The following CACNA1C variants were observed in gnomAD, a reference collection of about 807,000 sequenced individuals.
The protein encoded by CACNA1C is voltage-dependent L-type calcium channel subunit alpha-1C.
Under a neutral mutation model 229.0 loss-of-function variants are expected in CACNA1C, and 30 were observed. The ratio of observed to expected loss-of-function variants is 0.13; its 90% CI spans 0.10 to 0.18. The LOEUF is 0.18. Ranked by LOEUF, CACNA1C falls within the 10% of genes least tolerant of loss-of-function variation. The pLI, the probability that CACNA1C is intolerant of heterozygous loss-of-function variation, is 1.00. For synonymous variants in CACNA1C, 1,114 were observed against 1,132.5 expected (o/e 0.98, Z 0.33); for missense variants, 1,658 against 2,845.0 (o/e 0.58, Z 9.49).
intron 45 of CACNA1C, among the ~76,000 whole-genome samples, chr12:2,686,593 C>T (rs1861829521): frequency 1.3e-5 from 2 of 152,242 alleles, no homozygotes; most frequent in Admixed American, 6.5e-5. Flanking sequence ...GCCTCTGACA[C>T]TGGCCTATGC....
At chr12:2,198,238 G>C (rs1419912841) in intron 3 of CACNA1C, among the ~76,000 whole-genome samples, 2 of 152,148 alleles carry the variant, frequency 1.3e-5, no homozygotes. Context: ...ACCCAGATCT[G>C]GCAGCATCTT....
At chr12:2,401,062 T>A (rs989310396) in intron 3 of CACNA1C, among the ~76,000 whole-genome samples, 7 of 152,154 alleles carry the variant, frequency 4.6e-5, no homozygotes, top group Admixed American at 3.3e-4. Flanking sequence ...TGGTCCTCCC[T>A]TCAGTCTCTC....
At chr12:2,459,521 C>T (rs1342072653) in intron 5 of CACNA1C, among the ~76,000 whole-genome samples, 3 of 152,148 alleles carry the variant, frequency 2.0e-5, no homozygotes, top group Non-Finnish European at 2.9e-5. Flanking sequence ...TCAAAAGGCA[C>T]GCAGAGCTGA....
At chr12:2,263,468 T>C (rs928622278) in intron 3 of CACNA1C, among the ~76,000 whole-genome samples, 2 of 151,668 alleles carry the variant, frequency 1.3e-5, no homozygotes, top group Admixed American at 6.6e-5. Flanking sequence ...GTGAAGCTAG[T>C]GGAGGCTTTT....
intron 3 of CACNA1C, among the ~76,000 whole-genome samples, chr12:2,303,067 C>T (rs1483958864): frequency 3.3e-5 from 5 of 152,208 alleles, no homozygotes; most frequent in African/African-American, 7.2e-5. Flanking sequence ...GGAAACCGGC[C>T]GTGGGAGCTT....
intron 4 of CACNA1C, among the ~76,000 whole-genome samples, chr12:2,454,887 C>T (rs1320655565): frequency 6.6e-6 from 1 of 152,202 alleles, no homozygotes; most frequent in African/African-American, 2.4e-5. Flanking sequence ...TTCATGTATT[C>T]CCACAACCAC....
intron 3 of CACNA1C, among the ~76,000 whole-genome samples, chr12:2,202,300 C>G (rs11062153): frequency 6.6e-6 from 1 of 152,112 alleles, no homozygotes; most frequent in Non-Finnish European, 1.5e-5. Flanking sequence ...GAGGCCCGCA[C>G]GCTTTGGGTG....
intron 1 of CACNA1C, among the ~76,000 whole-genome samples, chr12:1,980,064 T>C (rs11062038): frequency 0.3 from 46,363 of 152,046 alleles, 7,315 homozygotes; most frequent in East Asian, 0.51. Context: ...GCAGTATCTC[T>C]AAAGCTAAAC....
chr12:2,674,115 G>A (rs1460254769), intron 38 of CACNA1C, among the ~76,000 whole-genome samples: 1 of 152,260 alleles, frequency 6.6e-6, no homozygotes, highest in African/African-American at 2.4e-5. Context: ...GGAGGTCCAT[G>A]AGAAATGCCA....
chr12:2,551,647 G>A (rs1012166776), intron 10 of CACNA1C, among the ~76,000 whole-genome samples: 16 of 152,154 alleles, frequency 1.1e-4, no homozygotes, highest in African/African-American at 3.4e-4. Context: ...GTGAGTGACC[G>A]GGATCTTTAA....
At position 2,215,134 on chromosome 12, in the gene CACNA1C, C is replaced by T. The variant is rs887381380; in HGVS notation, c.477+94704C>T. 1.3e-5 allele frequency among the ~76,000 whole-genome samples: 2 copies of T among 152,110 alleles called. No homozygotes were observed. Among genetic ancestry groups the T allele is most frequent in the Non-Finnish European group, 2.9e-5 (2 of 68,030 alleles). ...GATGGGGAAACGAAGCCATGTTTGC[C>T]GGCATATCTGGGGTTCCCTGGTCAC... On this transcript the variant is annotated intron_variant, in intron 3 of 46. Transcript: ENST00000399655. The surrounding 1 kb of genome is among the most constrained non-coding windows in gnomAD (Gnocchi z 5.0).
At chr12:2,382,586 G>C (rs554984127) in intron 3 of CACNA1C, among the ~76,000 whole-genome samples, 7 of 152,240 alleles carry the variant, frequency 4.6e-5, no homozygotes, top group Admixed American at 2.0e-4. Context: ...CATATCATAG[G>C]GGGAGCTCTG....
chr12:2,545,212 ATTT>A (rs56971243), intron 9 of CACNA1C, among the ~76,000 whole-genome samples: 8 of 131,634 alleles, frequency 6.1e-5, no homozygotes, highest in African/African-American at 1.7e-4. Flanking sequence ...CAAAACAATG[ATTT>A]TTTTTTTTTT....
Position 2,089,793 on chromosome 12 carries a change from G to A in CACNA1C, c.50-25431G>A, listed in dbSNP as rs182670252. 4.5e-4 allele frequency among the ~76,000 whole-genome samples: 69 copies of A among 152,176 alleles called. 1 individual carries two copies. The East Asian group carries it at 0.012, about 27-fold the overall frequency. On this transcript the variant is annotated intron_variant, in intron 1 of 46. Transcript: ENST00000399655. ...CTGACACCTGTAATCCCAGCACTTG[G>A]GGAGGCTGAGGTGGGCGGATCACAA...
chr12:2,396,167 G>C (rs2098567885), intron 3 of CACNA1C, among the ~76,000 whole-genome samples: 1 of 152,012 alleles, frequency 6.6e-6, no homozygotes, highest in African/African-American at 2.4e-5. Flanking sequence ...GGTCTTTTAG[G>C]GTGCTGGGTT....
rs1285735020 is a variant in CACNA1C, at chr12:1,971,451, C to CATA, written c.139+253_139+255dup. ...AACAGGCAATGCAATACTGCCTTTA[C>CATA]ATAATGAAACACCAATCTTTTACTT... is the stretch of plus-strand genomic sequence containing the variant. On this transcript the variant is annotated intron_variant, in intron 1 of 46. Transcript: ENST00000682462. This position sits in a 1 kb window ranked among gnomAD's most constrained non-coding sequence, Gnocchi z 4.2. 2.0e-5 allele frequency among the ~76,000 whole-genome samples: 3 copies of CATA among 152,212 alleles called. No individual in the cohort carries two copies. The highest frequency in any genetic ancestry group is 7.2e-5 in the African/African-American group (3 of 41,454).
chr12:2,666,930 C>G lies in CACNA1C; in HGVS notation c.4623+148C>G, dbSNP rs1307258881. ...GTCCTTCCAGCTCTAAATTCTCAGACTCTATGAGGGAATAACAGAGTGAAT... is the reference window on the plus strand; with the variant it reads ...GTCCTTCCAGCTCTAAATTCTCAGAGTCTATGAGGGAATAACAGAGTGAAT... On this transcript the variant is annotated intron_variant, in intron 37 of 46. Transcript: ENST00000399655. The surrounding 1 kb of genome is among the most constrained non-coding windows in gnomAD (Gnocchi z 5.3). The G allele has an allele frequency of 1.5e-6, 1 of 651,012 alleles. No individual in the cohort carries two copies. The highest frequency in any genetic ancestry group is 2.7e-5 in the East Asian group (1 of 36,496). 40.3% of individuals were successfully genotyped at this position (651,012 alleles called of 1,614,324 possible). A position where few individuals can be genotyped will look rare whatever the true frequency, so the allele number is the denominator to read the frequency against.
At chr12:2,214,489 T>C (rs909507261) in intron 3 of CACNA1C, among the ~76,000 whole-genome samples, 4 of 152,076 alleles carry the variant, frequency 2.6e-5, no homozygotes, top group Admixed American at 6.6e-5. Context: ...ACTGATCTCG[T>C]GAACTAGGAC....
At chr12:2,502,331 G>A (rs1200094026) in intron 7 of CACNA1C, among the ~76,000 whole-genome samples, 1 of 152,238 alleles carries the variant, frequency 6.6e-6, no homozygotes, top group Non-Finnish European at 1.5e-5. Flanking sequence ...GGGTACACCC[G>A]TGAACAAAGC....
Sources: allele counts gnomAD v4.1 joint callset (sites outside exome capture counted in the v4.1 genomes callset), GRCh38; gene constraint gnomAD v4.1.1; non-coding constraint Gnocchi (gnomAD v3.1); transcripts MANE v1.5; gene names NCBI Gene and HGNC (gene_info 2026-07-23, HGNC 2026-07-21).